The following SMARCA2 variants were observed in gnomAD, a reference collection of about 807,000 sequenced individuals.
SMARCA2 encodes SWI/SNF related BAF chromatin remodeling complex subunit ATPase 2.
Under a neutral mutation model 199.8 loss-of-function variants are expected in SMARCA2, and 61 were observed. The ratio of observed to expected loss-of-function variants is 0.31; its 90% CI spans 0.25 to 0.38. The LOEUF (loss-of-function observed/expected upper bound fraction) is 0.38. Ranked by LOEUF, SMARCA2 falls within the 10% of genes least tolerant of loss-of-function variation. The pLI, the probability that SMARCA2 is intolerant of heterozygous loss-of-function variation, is 1.00. For synonymous variants in SMARCA2, 935 were observed against 732.0 expected, an observed-to-expected ratio of 1.28 and a Z score of -4.48; for missense variants, 1,344 against 2,012.2, an observed-to-expected ratio of 0.67 and a Z score of 6.35.
intron 22 of SMARCA2, among the ~76,000 whole-genome samples, chr9:2,103,710 G>A (rs1013139475): frequency 6.6e-6 from 1 of 151,864 alleles, no homozygotes; most frequent in Non-Finnish European, 1.5e-5. Flanking sequence ...AATAAGTTGA[G>A]AGAAAGATTG....
chr9:2,182,312 T>C, intron 31 of SMARCA2, 70 bp downstream of exon 31: 1 of 910,734 alleles, frequency 1.1e-6, no homozygotes, highest in African/African-American at 1.7e-5. Context: ...AAGTAGAATA[T>C]TTCATTTTCT....
At chr9:2,124,605 A>G (rs1823607641) in intron 27 of SMARCA2, among the ~76,000 whole-genome samples, 1 of 152,204 alleles carries the variant, frequency 6.6e-6, no homozygotes, top group Admixed American at 6.5e-5. Context: ...TCTGTCCATC[A>G]CAAACACAGA....
intron 10 of SMARCA2, among the ~76,000 whole-genome samples, chr9:2,072,431 C>T (rs921950286): frequency 6.6e-6 from 1 of 152,130 alleles, no homozygotes; most frequent in African/African-American, 2.4e-5. Context: ...AATTTTTGGT[C>T]AATTTGCCAG....
At chr9:2,028,195 A>G (rs1490483623) in intron 1 of SMARCA2, among the ~76,000 whole-genome samples, 3 of 152,194 alleles carry the variant, frequency 2.0e-5, no homozygotes, top group Non-Finnish European at 4.4e-5. Context: ...TAACTGTCTG[A>G]GGGGGTCTCT....
Position 2,084,206 on chromosome 9 carries a change from T to A in SMARCA2, c.2526+10T>A. On this transcript the variant is annotated intron_variant, in intron 17 of 33. Coordinates refer to ENST00000349721, the MANE Select transcript of SMARCA2 (RefSeq NM_003070.5). ...GCACATTCTTGCAAAGGTATGTTTT[T>A]AAAAAATTATTTTCTCTCTAATTAG... is the stretch of plus-strand genomic sequence containing the variant. The A allele has an allele frequency of 2.1e-6, 3 of 1,443,256 alleles. No individual in the cohort carries two copies. The highest frequency in any genetic ancestry group is 2.9e-6 in the Non-Finnish European group (3 of 1,028,118). The allele number at this position is 1,443,256 out of a possible 1,614,324, so 89.4% of individuals were successfully genotyped here. A position where few individuals can be genotyped will look rare whatever the true frequency, so the allele number is the denominator to read the frequency against.
intron 27 of SMARCA2, among the ~76,000 whole-genome samples, chr9:2,133,202 A>G (rs1301992059): frequency 8.5e-5 from 13 of 152,354 alleles, no homozygotes; most frequent in Non-Finnish European, 1.5e-5. Context: ...TATTACAGAG[A>G]AATCAGAGAA....
Position 2,179,975 on chromosome 9 carries a change from A to G in SMARCA2, c.4254-1596A>G, listed in dbSNP as rs189820281. ...GTATAAATCTCAGAATGGTAGGAAA[A>G]GAACAGACCAGAAATTGTGGCCCTG... On this transcript the variant is annotated intron_variant, in intron 29 of 33. Transcript: ENST00000349721. 6.7e-4 allele frequency among the ~76,000 whole-genome samples: 102 copies of G among 152,364 alleles called. 2 individuals are homozygous for G. Among genetic ancestry groups the G allele is most frequent in the African/African-American group, 2.3e-3 (97 of 41,582 alleles).
At chr9:2,080,226 G>A (rs888538675) in intron 14 of SMARCA2, 2 of 152,070 alleles carry the variant, frequency 1.3e-5, no homozygotes, top group Non-Finnish European at 2.9e-5. Context: ...ACCTTGACAC[G>A]GCTGAGGTCT....
intron 1 of SMARCA2, among the ~76,000 whole-genome samples, chr9:2,026,178 G>A (rs918769419): frequency 9.9e-5 from 15 of 152,154 alleles, no homozygotes; most frequent in African/African-American, 2.9e-4. Flanking sequence ...ATCACGTCAC[G>A]TTCTATGAGA....
intron 19 of SMARCA2, among the ~76,000 whole-genome samples, chr9:2,095,110 G>C (rs1822216658): frequency 6.8e-6 from 1 of 147,078 alleles, no homozygotes; most frequent in Non-Finnish European, 1.5e-5. Context: ...TTTTGAGACA[G>C]AGTCTTGCTC....
chr9:2,161,873 T>C lies in SMARCA2; in HGVS notation c.4169T>C (p.Ile1390Thr). The change falls in exon 28 of 34, where the codon ATC (isoleucine) becomes ACC (threonine). Residue 1390 changes from isoleucine to threonine, a missense_variant. By Grantham distance (89) the Ile-to-Thr change is moderately conservative (BLOSUM62 -1). This residue lies in a region of SMARCA2 where 151 missense variants were observed against 154.0 expected (regional missense o/e 0.98). Transcript: ENST00000349721. The surrounding 1 kb of genome is among the most constrained non-coding windows in gnomAD (Gnocchi z 4.7). ...AAACTGACAAAGCAGATGAACGCTA[T>C]CATCGATACTGTGATAAACTACAAA... ...PPKLTKQMNA[I>T]IDTVINYKDR... 1 of 1,614,084 alleles carries C rather than the reference T, an allele frequency of 6.2e-7. No homozygotes were observed. The highest frequency in any genetic ancestry group is 8.5e-7 in the Non-Finnish European group (1 of 1,179,928).
intron 14 of SMARCA2, among the ~76,000 whole-genome samples, chr9:2,080,783 C>T (rs1483408103): frequency 6.6e-6 from 1 of 152,140 alleles, no homozygotes; most frequent in Admixed American, 6.5e-5. Context: ...AAATTCTTGT[C>T]AATACAGTTT....
intron 21 of SMARCA2, among the ~76,000 whole-genome samples, chr9:2,099,256 T>G (rs1481741381): frequency 3.3e-5 from 5 of 152,162 alleles, no homozygotes; most frequent in Non-Finnish European, 7.3e-5. Flanking sequence ...GGGAGAAAAG[T>G]CTAATGATGA....
At chr9:2,068,514 C>CT (rs1285915306) in intron 9 of SMARCA2, among the ~76,000 whole-genome samples, 1 of 152,136 alleles carries the variant, frequency 6.6e-6, no homozygotes, top group East Asian at 1.9e-4. Flanking sequence ...TGATTTTAAA[C>CT]TTTAAGTGTT....
At chr9:2,181,698 T>G (rs773102761) in intron 30 of SMARCA2, 22 bp downstream of exon 30, 1 of 1,181,196 alleles carries the variant, frequency 8.5e-7, no homozygotes, top group Non-Finnish European at 1.3e-6. Flanking sequence ...GTTTACCAAC[T>G]TTATTCTTCA....
Position 2,039,500 on chromosome 9 carries a change from C to T in SMARCA2, c.390C>T (p.Ala130=), listed in dbSNP as rs564538281. ...CACCACACCCATCTCCATTAGGAGC[C>T]CCAGAGCACGTCTCCAGCCCTATGT... ...YMSPHPSPLG[A]PEHVSSPMSG... is the part of the protein sequence containing the mutation. Residue 130 remains alanine (A), a synonymous_variant, in exon 4 of 34, where the codon GCC becomes GCT. Coordinates refer to ENST00000349721, the MANE Select transcript of SMARCA2 (RefSeq NM_003070.5). This position sits in a 1 kb window ranked among gnomAD's most constrained non-coding sequence, Gnocchi z 4.8. 1 of 1,613,994 alleles carries T rather than the reference C, an allele frequency of 6.2e-7. No homozygotes were observed. The highest frequency in any genetic ancestry group is 2.2e-5 in the East Asian group (1 of 44,876).
chr9:2,144,266 A>C (rs974288819), intron 27 of SMARCA2, among the ~76,000 whole-genome samples: 1 of 152,042 alleles, frequency 6.6e-6, no homozygotes, highest in Admixed American at 6.6e-5. Context: ...AATTTCAGGG[A>C]GGAGAGGGAA....
Position 2,039,888 on chromosome 9 carries a change from A to G in SMARCA2, c.778A>G (p.Asn260Asp). 1 of 1,613,852 alleles carries G rather than the reference A, an allele frequency of 6.2e-7. No homozygotes were observed. Among genetic ancestry groups the G allele is most frequent in the Non-Finnish European group, 8.5e-7 (1 of 1,179,982 alleles). Reference protein sequence around the residue: ...QQQQPALVNYNRPSGPGPELS... With the variant: ...QQQQPALVNYDRPSGPGPELS... Reference sequence around the variant, plus strand: ...ACAGCAGCCGGCCCTTGTTAACTACAACAGACCATCTGGTAGGTTAATACG... The same window carrying G: ...ACAGCAGCCGGCCCTTGTTAACTACGACAGACCATCTGGTAGGTTAATACG... The change falls in exon 4 of 34, where the codon AAC becomes GAC. Residue 260 changes from asparagine to aspartate, a missense_variant. Physicochemically the swap from Asn to Asp is conservative, Grantham distance 23. This residue lies in a region of SMARCA2 where 117 missense variants were observed against 99.1 expected (regional missense o/e 1.18). Coordinates refer to ENST00000349721, the MANE Select transcript of SMARCA2 (RefSeq NM_003070.5). This position sits in a 1 kb window ranked among gnomAD's most constrained non-coding sequence, Gnocchi z 4.8.
intron 22 of SMARCA2, among the ~76,000 whole-genome samples, chr9:2,102,869 G>A (rs745391425): frequency 1.9e-4 from 29 of 151,640 alleles, no homozygotes; most frequent in East Asian, 5.8e-4. Context: ...AGCTCATAGA[G>A]CCCTAAAGAG....
Sources: allele counts gnomAD v4.1 joint callset (sites outside exome capture counted in the v4.1 genomes callset), GRCh38; gene constraint gnomAD v4.1.1; regional missense constraint gnomAD v4.1.1; non-coding constraint Gnocchi (gnomAD v3.1); transcripts MANE v1.5; gene names NCBI Gene and HGNC (gene_info 2026-07-23, HGNC 2026-07-21).